The following HPGD variants were observed in gnomAD, a reference collection of about 807,000 sequenced individuals.
The protein encoded by HPGD is 15-hydroxyprostaglandin dehydrogenase.
Under a neutral mutation model 30.0 loss-of-function variants are expected in HPGD, and 29 were observed. The observed-to-expected ratio is 0.97, with a 90% CI of 0.72 to 1.32. The LOEUF is 1.32. Among genes scored for constraint, HPGD ranks in the 40% most tolerant of loss-of-function variants. The pLI is 0.00. For missense variants in HPGD, 340 were observed against 322.1 expected, an observed-to-expected ratio of 1.06 and a Z score of -0.43; for synonymous variants, 99 against 112.4, an observed-to-expected ratio of 0.88 and a Z score of 0.75.
chr4:174,512,923 C>T (rs11722919), intron 3 of HPGD, among the ~76,000 whole-genome samples: 26,509 of 152,140 alleles, frequency 0.17, 2,825 homozygotes, highest in Non-Finnish European at 0.24. Context: ...TTGGCACTTT[C>T]CAGCTCAGAG....
At chr4:174,508,216 C>T (rs1044491658) in intron 4 of HPGD, 65 of 611,640 alleles carry the variant, frequency 1.1e-4, no homozygotes, top group African/African-American at 9.2e-4. Flanking sequence ...GACTGATGTA[C>T]GAGTTAAGGA....
intron 5 of HPGD, among the ~76,000 whole-genome samples, chr4:174,495,200 G>A (rs968833602): frequency 6.6e-6 from 1 of 151,934 alleles, no homozygotes; most frequent in African/African-American, 2.4e-5. Flanking sequence ...TATCTCTGGT[G>A]ACAAATAATG....
Position 174,517,971 on chromosome 4 carries a change from C to A in HPGD, c.324G>T (p.Leu108Phe). 6.8e-7 allele frequency: 1 copy of A among 1,464,414 alleles called. No individual in the cohort carries two copies. The highest frequency in any genetic ancestry group is 9.6e-7 in the Non-Finnish European group (1 of 1,044,378). The allele number at this position is 1,464,414 out of a possible 1,614,324, so 90.7% of individuals were successfully genotyped here. ...KNWEKTLQINLVSVISGTYLG... is the reference protein window; with the variant it reads ...KNWEKTLQINFVSVISGTYLG... ...AAGAAATATAGCTAAGATAACTCAC[C>A]AAATTAATTTGCAGAGTTTTTTCCC... The change falls in exon 3 of 7, where the codon TTG (leucine) becomes TTT (phenylalanine). Residue 108 changes from leucine to phenylalanine, a missense_variant and splice_region_variant. Coordinates refer to ENST00000296522, the MANE Select transcript of HPGD (RefSeq NM_000860.6).
At chr4:174,519,301 C>T (rs867410966) in intron 2 of HPGD, among the ~76,000 whole-genome samples, 1 of 151,816 alleles carries the variant, frequency 6.6e-6, no homozygotes, top group Non-Finnish European at 1.5e-5. Context: ...GCAAGCTCCA[C>T]CTCCCGGGTT....
intron 5 of HPGD, 164 bp from the exon 6 acceptor site, chr4:174,493,478 C>T (rs1329179388): frequency 1.6e-6 from 1 of 638,948 alleles, no homozygotes; most frequent in Non-Finnish European, 2.7e-6. Flanking sequence ...ATAACACATA[C>T]ATAAAGTATT....
chr4:174,509,426 T>A lies in HPGD; in HGVS notation c.325-634A>T, dbSNP rs535322993. 9.8e-5 allele frequency among the ~76,000 whole-genome samples: 15 copies of A among 152,318 alleles called. No homozygotes were observed. The South Asian group carries it at 2.9e-3, about 29-fold the overall frequency. On this transcript the variant is annotated intron_variant, in intron 3 of 6. Transcript: ENST00000296522. ...AAATCCCATTCTCCTTGACAGTGGC[T>A]GGTTTCAGAGCCAGCAGGTGACCCA...
intron 4 of HPGD, among the ~76,000 whole-genome samples, chr4:174,505,286 G>T (rs1336849557): frequency 6.6e-6 from 1 of 152,158 alleles, no homozygotes. Flanking sequence ...CATGAGGATA[G>T]GCCCTGTTGA....
At chr4:174,518,673 T>G (rs2110874688) in intron 2 of HPGD, among the ~76,000 whole-genome samples, 1 of 152,328 alleles carries the variant, frequency 6.6e-6, no homozygotes, top group Admixed American at 6.5e-5. Context: ...CTTCGATGTT[T>G]ACTATTTCCT....
chr4:174,504,464 G>A (rs1409799030), intron 4 of HPGD, among the ~76,000 whole-genome samples: 1 of 152,118 alleles, frequency 6.6e-6, no homozygotes, highest in Non-Finnish European at 1.5e-5. Context: ...ATATGTAGCA[G>A]GGTTGGTAGG....
At chr4:174,507,984 T>A in intron 4 of HPGD, 1 of 605,438 alleles carries the variant, frequency 1.7e-6, no homozygotes, top group Non-Finnish European at 3.0e-6. Flanking sequence ...TCAAGTTCTA[T>A]ACTGAAATGT....
intron 4 of HPGD, among the ~76,000 whole-genome samples, chr4:174,502,397 G>C (rs971888417): frequency 3.3e-5 from 5 of 151,576 alleles, no homozygotes; most frequent in Non-Finnish European, 7.4e-5. Context: ...TGACACATGC[G>C]GCCGGGCGCG....
intron 4 of HPGD, among the ~76,000 whole-genome samples, chr4:174,499,835 T>C (rs1734817514): frequency 6.6e-6 from 1 of 152,176 alleles, no homozygotes; most frequent in East Asian, 1.9e-4. Flanking sequence ...ATAAACATGC[T>C]GGAAAACTCC....
intron 4 of HPGD, among the ~76,000 whole-genome samples, chr4:174,498,927 A>C (rs1734774836): frequency 6.6e-6 from 1 of 152,116 alleles, no homozygotes; most frequent in Admixed American, 6.5e-5. Flanking sequence ...TTTGACAATG[A>C]TTTTAGTTGG....
chr4:174,500,651 C>A (rs1277781688), intron 4 of HPGD, among the ~76,000 whole-genome samples: 2 of 152,154 alleles, frequency 1.3e-5, no homozygotes, highest in Non-Finnish European at 2.9e-5. Context: ...GAAAAGGCTA[C>A]ATACTGTATG....
At chr4:174,509,297 G>T (rs1735351771) in intron 3 of HPGD, among the ~76,000 whole-genome samples, 1 of 151,968 alleles carries the variant, frequency 6.6e-6, no homozygotes, top group African/African-American at 2.4e-5. Context: ...TCTAATAAAA[G>T]TTCTATTTTG....
chr4:174,503,192 C>T (rs1321820770), intron 4 of HPGD, among the ~76,000 whole-genome samples: 1 of 152,090 alleles, frequency 6.6e-6, no homozygotes, highest in Non-Finnish European at 1.5e-5. Flanking sequence ...GCAAAATGGA[C>T]TCTGCAGAGT....
chr4:174,498,890 G>A (rs1734772472), intron 4 of HPGD, among the ~76,000 whole-genome samples: 1 of 152,182 alleles, frequency 6.6e-6, no homozygotes, highest in Non-Finnish European at 1.5e-5. Flanking sequence ...TAAATGGAGG[G>A]AGAAAAGCTC....
At chr4:174,516,096 GAACTT>G (rs1015643608) in intron 3 of HPGD, among the ~76,000 whole-genome samples, 1 of 152,166 alleles carries the variant, frequency 6.6e-6, no homozygotes, top group Non-Finnish European at 1.5e-5. Context: ...TTTTCTCGAA[GAACTT>G]AAAACAGAAC....
intron 4 of HPGD, among the ~76,000 whole-genome samples, chr4:174,504,445 A>G (rs748098646): frequency 6.6e-6 from 1 of 152,122 alleles, no homozygotes; most frequent in African/African-American, 2.4e-5. Context: ...CCACAGCCTC[A>G]CTAACTGAAT....
Sources: gnomAD v4.1 joint callset for allele counts (sites outside exome capture counted in the v4.1 genomes callset) on GRCh38, gnomAD v4.1.1 for gene constraint, MANE v1.5 for transcripts, NCBI Gene and HGNC (gene_info 2026-07-23, HGNC 2026-07-21) for gene names.